Variants in PTPRK observed in about 807,000 individuals in gnomAD.
PTPRK encodes protein tyrosine phosphatase receptor type K, also known as receptor-type tyrosine-protein phosphatase kappa.
A neutral mutation model predicts 178.0 loss-of-function variants in PTPRK; 75 were observed. The ratio of observed to expected loss-of-function variants is 0.42; its 90% CI spans 0.35 to 0.51. The LOEUF (loss-of-function observed/expected upper bound fraction) is 0.51, where lower values mean the gene tolerates loss of function less well. Among genes scored for constraint, PTPRK ranks in the 20% least tolerant of loss-of-function variants. PTPRK has a pLI of 0.02. For synonymous variants in PTPRK, 637 were observed against 620.6 expected (o/e 1.03, Z -0.39); for missense variants, 1,441 against 1,797.8 (o/e 0.80, Z 3.59).
At chr6:128,200,881 AAGGGAGGGAAGGAGGG>A (rs1384979273) in intron 6 of PTPRK, among the ~76,000 whole-genome samples, 2 of 81,414 alleles carry the variant, frequency 2.5e-5, no homozygotes, top group Non-Finnish European at 4.4e-5. Flanking sequence ...GAGGAGGAAG[AAGGGAGGGAAGGAGGG>A]AGGGAGGGAG....
chr6:128,347,237 G>A (rs368064469), intron 2 of PTPRK, among the ~76,000 whole-genome samples: 3 of 152,130 alleles, frequency 2.0e-5, no homozygotes, highest in African/African-American at 7.2e-5. Context: ...TGGGATCAGA[G>A]GGAACAAGGG....
At position 128,239,300 on chromosome 6, in the gene PTPRK, T is replaced by C. The variant is rs537135459; in HGVS notation, c.693+735A>G. Among the ~76,000 whole-genome samples the C allele has an allele frequency of 8.5e-5, 13 of 152,286 alleles. No homozygotes were observed. In the South Asian group the frequency reaches 2.3e-3, roughly 27 times the overall value. On this transcript the variant is annotated intron_variant, in intron 5 of 29. Coordinates refer to ENST00000368226, the MANE Select transcript of PTPRK (RefSeq NM_002844.4). ...CTTCAAATACTTCGCTCAATAGCCA[T>C]CTGTTTTAGGTCCAGCTTCCTGGCT...
At chr6:128,247,976 C>T (rs1161963117) in intron 3 of PTPRK, among the ~76,000 whole-genome samples, 8 of 152,126 alleles carry the variant, frequency 5.3e-5, no homozygotes, top group Non-Finnish European at 7.4e-5. Flanking sequence ...ATTTTGCTAA[C>T]GTTCAGAATA....
chr6:128,307,477 C>A (rs201473377), intron 3 of PTPRK, among the ~76,000 whole-genome samples: 64 of 144,006 alleles, frequency 4.4e-4, no homozygotes, highest in East Asian at 1.6e-3. Flanking sequence ...AAAAAAAAAT[C>A]AAAAAAAAAT....
chr6:128,296,948 A>T lies in PTPRK; in HGVS notation c.495+25091T>A, dbSNP rs1430411693. Among the ~76,000 whole-genome samples the T allele has an allele frequency of 3.3e-5, 5 of 151,984 alleles. No homozygotes were observed. The South Asian group carries it at 6.2e-4, about 19-fold the overall frequency. On this transcript the variant is annotated intron_variant, in intron 3 of 29. Transcript: ENST00000368226. ...GACTGGCAAATCGGATAAAGAGTCAAGACCCATCAGTGTGCTGTATTCAGG... is the reference window on the plus strand; with the variant it reads ...GACTGGCAAATCGGATAAAGAGTCATGACCCATCAGTGTGCTGTATTCAGG...
intron 1 of PTPRK, among the ~76,000 whole-genome samples, chr6:128,494,766 A>G (rs1053481436): frequency 6.6e-6 from 1 of 152,220 alleles, no homozygotes; most frequent in Admixed American, 6.5e-5. Flanking sequence ...TTTCCAAAAG[A>G]GCCTGAAACT....
chr6:128,425,829 C>T (rs1391393513), intron 1 of PTPRK, among the ~76,000 whole-genome samples: 5 of 152,166 alleles, frequency 3.3e-5, no homozygotes. Flanking sequence ...ACCTTGACTC[C>T]ATCTACTTTT....
chr6:128,295,952 T>G (rs372902643), intron 3 of PTPRK, among the ~76,000 whole-genome samples: 1 of 152,022 alleles, frequency 6.6e-6, no homozygotes, highest in Admixed American at 6.6e-5. Flanking sequence ...CCTTACAGAG[T>G]GTGCTCTAAA....
intron 15 of PTPRK, chr6:128,000,287 A>C: frequency 1.5e-6 from 2 of 1,296,554 alleles, no homozygotes. Context: ...AATAGGATAT[A>C]GCAAAAAATG....
intron 3 of PTPRK, among the ~76,000 whole-genome samples, chr6:128,280,066 T>C (rs1333433440): frequency 2.6e-5 from 4 of 152,176 alleles, no homozygotes; most frequent in African/African-American, 7.2e-5. Context: ...CATGTATGAA[T>C]AATATCAACA....
At chr6:128,007,643 T>C (rs1338081450) in intron 14 of PTPRK, among the ~76,000 whole-genome samples, 1 of 150,748 alleles carries the variant, frequency 6.6e-6, no homozygotes, top group African/African-American at 2.4e-5. Flanking sequence ...ATAGGGAGAG[T>C]TATCAAGACA....
intron 6 of PTPRK, among the ~76,000 whole-genome samples, chr6:128,218,460 G>A (rs1386120092): frequency 6.6e-6 from 1 of 152,124 alleles, no homozygotes; most frequent in Non-Finnish European, 1.5e-5. Context: ...GATTCTATAA[G>A]AGACATGCAT....
chr6:127,971,258 T>C (rs955858441), intron 29 of PTPRK, among the ~76,000 whole-genome samples: 1 of 152,220 alleles, frequency 6.6e-6, no homozygotes, highest in African/African-American at 2.4e-5. Flanking sequence ...CTATTACTTA[T>C]AATATGCAAT....
intron 1 of PTPRK, among the ~76,000 whole-genome samples, chr6:128,417,973 G>C (rs553797335): frequency 6.6e-6 from 1 of 152,274 alleles, no homozygotes; most frequent in Admixed American, 6.5e-5. Context: ...AGATGAAAGA[G>C]AAAGTAAAAA....
intron 2 of PTPRK, among the ~76,000 whole-genome samples, chr6:128,374,785 C>A (rs1836787397): frequency 6.6e-6 from 1 of 152,072 alleles, no homozygotes; most frequent in Admixed American, 6.6e-5. Context: ...TCATGTCACT[C>A]CATTTAGAAC....
chr6:128,158,374 C>G (rs990857777), intron 7 of PTPRK, among the ~76,000 whole-genome samples: 46 of 151,830 alleles, frequency 3.0e-4, no homozygotes, highest in Non-Finnish European at 3.5e-4. Context: ...CAAACCTGCG[C>G]GTTGTGCACA....
At chr6:128,104,767 G>C (rs952736310) in intron 7 of PTPRK, among the ~76,000 whole-genome samples, 3 of 152,090 alleles carry the variant, frequency 2.0e-5, no homozygotes, top group Non-Finnish European at 4.4e-5. Flanking sequence ...CAACTGACCA[G>C]GGTAATGCTC....
chr6:127,974,635 T>A (rs978262541), intron 27 of PTPRK, among the ~76,000 whole-genome samples: 4 of 152,190 alleles, frequency 2.6e-5, no homozygotes, highest in African/African-American at 9.7e-5. Context: ...TTGGCTTAAA[T>A]ACTACTATCG....
chr6:128,007,395 T>A (rs564046948), intron 14 of PTPRK, among the ~76,000 whole-genome samples: 96 of 151,088 alleles, frequency 6.4e-4, no homozygotes, highest in African/African-American at 2.2e-3. Flanking sequence ...GCATACTTTC[T>A]ATCAAAAGAC....
Sources: allele counts gnomAD v4.1 joint callset (sites outside exome capture counted in the v4.1 genomes callset), GRCh38; gene constraint gnomAD v4.1.1; transcripts MANE v1.5; gene names NCBI Gene and HGNC (gene_info 2026-07-23, HGNC 2026-07-21).